Variants in GRM8 observed in about 807,000 individuals in gnomAD.
The protein encoded by GRM8 is glutamate metabotropic receptor 8.
GRM8 carries 47 observed loss-of-function variants against 87.2 expected under a neutral mutation model. That is an observed-to-expected ratio of 0.54 (90% confidence interval 0.43 to 0.69). The LOEUF (loss-of-function observed/expected upper bound fraction) is 0.69, where lower values mean the gene tolerates loss of function less well. Among genes scored for constraint, GRM8 ranks in the 30% least tolerant of loss-of-function variants. The pLI is 0.00. For synonymous variants in GRM8, 396 were observed against 404.5 expected (o/e 0.98, Z 0.25); for missense variants, 1,019 against 1,139.2 (o/e 0.89, Z 1.52).
At chr7:126,444,392 C>A (rs1051334901) in intron 10 of GRM8, among the ~76,000 whole-genome samples, 2 of 152,072 alleles carry the variant, frequency 1.3e-5, no homozygotes, top group East Asian at 3.9e-4. Context: ...AAAGCCCATC[C>A]TTACCTTGCT....
rs77940321 is a variant in GRM8 at position 127,077,646 on chromosome 7, C to G, written c.727+28850G>C. On this transcript the variant is annotated intron_variant, in intron 3 of 10. Coordinates refer to ENST00000339582, the MANE Select transcript of GRM8 (RefSeq NM_000845.3). ...GATATAGAGTCAGTTTGCATTAAAA[C>G]AAACCACTTCGAACTGACCAGTAGA... Among the ~76,000 whole-genome samples, 508 of 152,344 alleles carry G rather than the reference C, an allele frequency of 3.3e-3. 5 individuals carry two copies. The highest frequency in any genetic ancestry group is 0.012 in the African/African-American group (496 of 41,572).
intron 6 of GRM8, among the ~76,000 whole-genome samples, chr7:126,897,087 G>A (rs1478922626): frequency 2.0e-5 from 3 of 152,154 alleles, no homozygotes; most frequent in Non-Finnish European, 4.4e-5. Context: ...GGAATCAACT[G>A]TATTTACTGG....
chr7:127,041,642 C>G (rs1818440158), intron 3 of GRM8, among the ~76,000 whole-genome samples: 1 of 152,278 alleles, frequency 6.6e-6, no homozygotes, highest in Admixed American at 6.5e-5. Flanking sequence ...ATGGAGGAAA[C>G]AGACTTTATT....
At chr7:127,149,365 T>TACC (rs1828721437) in intron 2 of GRM8, among the ~76,000 whole-genome samples, 1 of 152,042 alleles carries the variant, frequency 6.6e-6, no homozygotes, top group Non-Finnish European at 1.5e-5. Flanking sequence ...CACCATGATA[T>TACC]ACCACTTCAC....
rs139001968 is a variant in GRM8, at chr7:126,451,094, T to C, written c.2431-4722A>G. Among the ~76,000 whole-genome samples, 976 of 152,002 alleles carry C rather than the reference T, an allele frequency of 6.4e-3. 13 individuals carry two copies. Among genetic ancestry groups the C allele is most frequent in the African/African-American group, 0.023 (945 of 41,540 alleles). ...TTCTTACTGGGTTCCACAAATTATA[T>C]AGCTAGTCCTCTTTTAAAAATCACT... On this transcript the variant is annotated intron_variant, in intron 9 of 10. Transcript: ENST00000339582.
chr7:127,061,231 G>A, intron 3 of GRM8, among the ~76,000 whole-genome samples: 1 of 152,130 alleles, frequency 6.6e-6, no homozygotes, highest in East Asian at 1.9e-4. Context: ...AAAGGAAGGG[G>A]TAAAAGTACT....
At chr7:126,831,156 C>T (rs1455968821) in intron 6 of GRM8, among the ~76,000 whole-genome samples, 1 of 152,238 alleles carries the variant, frequency 6.6e-6, no homozygotes, top group Admixed American at 6.5e-5. Context: ...GGTCAGGGGT[C>T]AGGGACCCAC....
Position 127,136,687 on chromosome 7 carries a change from A to G in GRM8, c.511-29975T>C, listed in dbSNP as rs369770777. The stretch of plus-strand genomic sequence containing the variant: ...CTTTGAGACTCAACTCACTATTTCT[A>G]TAAACATGTATGTACACAGGCAATA... On this transcript the variant is annotated intron_variant, in intron 2 of 10. Coordinates refer to ENST00000339582, the MANE Select transcript of GRM8 (RefSeq NM_000845.3). Among the ~76,000 whole-genome samples, 4 of 152,118 alleles carry G rather than the reference A, an allele frequency of 2.6e-5. No individual in the cohort carries two copies. In the South Asian group the frequency reaches 8.3e-4, roughly 32 times the overall value.
chr7:127,161,589 C>T (rs1793119773), intron 2 of GRM8, among the ~76,000 whole-genome samples: 1 of 152,098 alleles, frequency 6.6e-6, no homozygotes, highest in South Asian at 2.1e-4. Context: ...TGCATGTGTA[C>T]AGTAGAGCTG....
intron 9 of GRM8, among the ~76,000 whole-genome samples, chr7:126,530,490 C>T (rs1814625032): frequency 6.6e-6 from 1 of 152,256 alleles, no homozygotes; most frequent in African/African-American, 2.4e-5. Flanking sequence ...GAGCCAGACT[C>T]AGCCTTGCAA....
chr7:126,883,290 T>C (rs1434410263), intron 6 of GRM8, among the ~76,000 whole-genome samples: 1 of 152,122 alleles, frequency 6.6e-6, no homozygotes, highest in Non-Finnish European at 1.5e-5. Context: ...ATTTTAACTA[T>C]GCAACTGGTA....
chr7:126,829,413 T>C (rs1412552843), intron 6 of GRM8, among the ~76,000 whole-genome samples: 4 of 133,152 alleles, frequency 3.0e-5, no homozygotes, highest in Non-Finnish European at 3.2e-5. Context: ...ATATTTAGGA[T>C]AGTTAGCTCT....
In GRM8 at chr7:126,439,558, A is replaced by G. The variant is rs1801217612; in HGVS notation, c.2678-390T>C. 7.9e-5 allele frequency among the ~76,000 whole-genome samples: 12 copies of G among 152,300 alleles called. No homozygotes were observed. The South Asian group carries it at 2.5e-3, about 32-fold the overall frequency. ...ATACAGTACATAGTACTTGATAATG[A>G]TAACAAATGACTATGTTGCTGGTTT... is the stretch of plus-strand genomic sequence containing the variant. On this transcript the variant is annotated intron_variant, in intron 10 of 10. Coordinates refer to ENST00000339582, the MANE Select transcript of GRM8 (RefSeq NM_000845.3).
intron 3 of GRM8, among the ~76,000 whole-genome samples, chr7:126,938,881 C>T (rs1018923142): frequency 1.3e-5 from 2 of 152,050 alleles, no homozygotes; most frequent in South Asian, 2.1e-4. Context: ...ACAGATGGAT[C>T]GTTTATACAT....
chr7:126,628,049 C>CT (rs895832839), intron 7 of GRM8, among the ~76,000 whole-genome samples: 11 of 151,188 alleles, frequency 7.3e-5, no homozygotes, highest in South Asian at 6.3e-4. Flanking sequence ...TTTTTCTTTT[C>CT]TTTTTTTTTG....
At chr7:127,251,022 T>C (rs1359151251) in intron 1 of GRM8, 1 of 152,230 alleles carries the variant, frequency 6.6e-6, no homozygotes, top group Non-Finnish European at 1.5e-5. Flanking sequence ...CTCTAGTGTA[T>C]TCTTGGGTGT....
chr7:126,808,666 G>A (rs1457117745), intron 6 of GRM8, among the ~76,000 whole-genome samples: 1 of 152,134 alleles, frequency 6.6e-6, no homozygotes, highest in Non-Finnish European at 1.5e-5. Flanking sequence ...TTGGGCTCTT[G>A]AGTAAAAAAC....
At chr7:126,577,029 G>A (rs777607861) in intron 8 of GRM8, among the ~76,000 whole-genome samples, 6 of 152,256 alleles carry the variant, frequency 3.9e-5, no homozygotes, top group Admixed American at 6.5e-5. Context: ...AAAGCTTATC[G>A]TAGCTGTCCT....
chr7:127,068,263 T>C (rs1048723006), intron 3 of GRM8, among the ~76,000 whole-genome samples: 5 of 152,180 alleles, frequency 3.3e-5, no homozygotes, highest in Non-Finnish European at 5.9e-5. Context: ...TAGCCAGCAT[T>C]CCAAATTCAA....
Sources: allele counts gnomAD v4.1 joint callset (sites outside exome capture counted in the v4.1 genomes callset), GRCh38; gene constraint gnomAD v4.1.1; transcripts MANE v1.5; gene names NCBI Gene and HGNC (gene_info 2026-07-23, HGNC 2026-07-21).